DNAJB12: variants seen among roughly 807,000 people sequenced by gnomAD.
DNAJB12 encodes the protein DnaJ heat shock protein family (Hsp40) member B12.
In DNAJB12, 14 loss-of-function variants were observed where a neutral mutation model predicts 40.6. The ratio of observed to expected loss-of-function variants is 0.34; its 90% CI spans 0.23 to 0.54. DNAJB12 has a LOEUF of 0.54. Ranked by LOEUF, DNAJB12 falls within the 20% of genes least tolerant of loss-of-function variation. The pLI is 0.92. For missense variants in DNAJB12, 444 were observed against 501.7 expected, an observed-to-expected ratio of 0.89 and a Z score of 1.10; for synonymous variants, 181 against 199.5, an observed-to-expected ratio of 0.91 and a Z score of 0.78.
In DNAJB12 at chr10:72,334,424, A is replaced by T; in HGVS notation, c.*224T>A. 2 of 844,556 alleles carry T rather than the reference A, an allele frequency of 2.4e-6. No individual in the cohort carries two copies. The highest frequency in any genetic ancestry group is 1.9e-6 in the Non-Finnish European group (1 of 530,550). 52.3% of individuals were successfully genotyped at this position (844,556 alleles called of 1,614,324 possible). On this transcript the variant is annotated 3_prime_UTR_variant, in exon 9 of 9. Transcript: ENST00000444643. ...CCTCCGCCAGCCCTGCGAGGGAGGG[A>T]AGCAGCCCCATGGCAGGTTTTCTGT...
At chr10:72,347,999 A>G in intron 1 of DNAJB12, among the ~76,000 whole-genome samples, 1 of 148,798 alleles carries the variant, frequency 6.7e-6, no homozygotes, top group African/African-American at 2.5e-5. Context: ...TGAGGCGGGC[A>G]GATCGCCTGA....
At chr10:72,336,818 C>T (rs1861491794) in intron 6 of DNAJB12, 122 bp from the exon 7 acceptor site, 1 of 782,722 alleles carries the variant, frequency 1.3e-6, no homozygotes, top group Admixed American at 2.7e-5. Flanking sequence ...CCCTCTCAAA[C>T]CAGAGCAGGG....
intron 6 of DNAJB12, chr10:72,336,985 G>A (rs978141176): frequency 1.4e-5 from 4 of 285,784 alleles, no homozygotes; most frequent in Non-Finnish European, 2.0e-5. Flanking sequence ...CTGGAGACCT[G>A]AGAGGGAATC....
At position 72,334,301 on chromosome 10, in the gene DNAJB12, C is replaced by T. The variant is rs938436314; in HGVS notation, c.*347G>A. 3 of 452,410 alleles carry T rather than the reference C, an allele frequency of 6.6e-6. No homozygotes were observed. The highest frequency in any genetic ancestry group is 1.2e-5 in the Non-Finnish European group (3 of 255,836). 28.0% of individuals were successfully genotyped at this position (452,410 alleles called of 1,614,324 possible). On this transcript the variant is annotated 3_prime_UTR_variant, in exon 9 of 9. Transcript: ENST00000444643. ...GTGAGGGAGGAAAGGCAGCTGGGTGCCCCCTCCCCCAGCCCTTCCCACTGA... is the reference window on the plus strand; with the variant it reads ...GTGAGGGAGGAAAGGCAGCTGGGTGTCCCCTCCCCCAGCCCTTCCCACTGA...
In DNAJB12 at chr10:72,335,888, A is replaced by G; in HGVS notation, c.1050T>C (p.Asp350=). 1 of 1,614,110 alleles carries G rather than the reference A, an allele frequency of 6.2e-7. No homozygotes were observed. Among genetic ancestry groups the G allele is most frequent in the Non-Finnish European group, 8.5e-7 (1 of 1,180,000 alleles). The change falls in exon 8 of 9, where the codon GAT becomes GAC. Residue 350 remains aspartate (D), a synonymous_variant. Coordinates refer to ENST00000444643, the MANE Select transcript of DNAJB12 (RefSeq NM_017626.7). This position sits in a 1 kb window ranked among gnomAD's most constrained non-coding sequence, Gnocchi z 4.4. The part of the protein sequence containing the change: ...LYRARYFGDT[D]MYHRAQKMGT... Reference sequence around the variant, plus strand: ...CCATCTTCTGTGCTCTGTGGTACATATCTGTGTCGCCAAAGTAGCGTGCCC... The same window carrying G: ...CCATCTTCTGTGCTCTGTGGTACATGTCTGTGTCGCCAAAGTAGCGTGCCC...
intron 6 of DNAJB12, 64 bp from the exon 7 acceptor site, chr10:72,336,760 T>C (rs906860708): frequency 2.0e-5 from 29 of 1,472,518 alleles, no homozygotes; most frequent in Non-Finnish European, 2.4e-5. Context: ...TCTAGGGGTA[T>C]GGGCCCCAAG....
intron 1 of DNAJB12, among the ~76,000 whole-genome samples, chr10:72,347,507 T>C (rs968292180): frequency 1.3e-5 from 2 of 152,228 alleles, no homozygotes; most frequent in Admixed American, 6.5e-5. Context: ...TGCTCACAAC[T>C]TGCTATTTTT....
chr10:72,345,071 T>C lies in DNAJB12; in HGVS notation c.190A>G (p.Thr64Ala). The change falls in exon 2 of 9, where the codon ACA becomes GCA. Residue 64 changes from threonine (T) to alanine (A), a missense_variant. By Grantham distance (58) the Thr-to-Ala change is moderately conservative (BLOSUM62 0). Transcript: ENST00000444643. ...PQTAGDQPPP[T>A]DTTHATHRKA... The stretch of plus-strand genomic sequence containing the variant: ...CTGTGGGTGGCATGGGTTGTGTCTG[T>C]GGGTGGGGGTTGGTCACCGGCAGTC... 1 of 1,614,120 alleles carries C rather than the reference T, an allele frequency of 6.2e-7. No individual in the cohort carries two copies. Among genetic ancestry groups the C allele is most frequent in the Middle Eastern group, 1.7e-4 (1 of 6,060 alleles).
intron 1 of DNAJB12, chr10:72,354,062 G>A (rs1862000748): frequency 6.6e-6 from 1 of 152,284 alleles, no homozygotes; most frequent in Non-Finnish European, 1.5e-5. Context: ...CAGCCTCGGC[G>A]TCCACATGGC....
Position 72,354,848 on chromosome 10 carries a change from T to G in DNAJB12, c.50A>C (p.Lys17Thr), listed in dbSNP as rs1378729733. Reference protein sequence around the residue: ...EAERCISIALKAIQSNQPDRA... With the variant: ...EAERCISIALTAIQSNQPDRA... Reference sequence around the variant, plus strand: ...GTCGGGCTGGTTGCTCTGGATGGCCTTGAGGGCGATGCTGATACAGCGCTC... The same window carrying G: ...GTCGGGCTGGTTGCTCTGGATGGCCGTGAGGGCGATGCTGATACAGCGCTC... The change falls in exon 1 of 9, where the codon AAG becomes ACG. Residue 17 changes from lysine to threonine, a missense_variant. Transcript: ENST00000444643. 1.9e-6 allele frequency: 3 copies of G among 1,614,094 alleles called. No individual in the cohort carries two copies. The East Asian group carries it at 6.7e-5, about 36-fold the overall frequency.
At chr10:72,337,135 C>T (rs544919959) in intron 6 of DNAJB12, among the ~76,000 whole-genome samples, 1 of 152,336 alleles carries the variant, frequency 6.6e-6, no homozygotes, top group African/African-American at 2.4e-5. Context: ...TCCAGGGAGC[C>T]TTATCCTCCC....
chr10:72,343,994 A>G (rs1475160489), intron 2 of DNAJB12, among the ~76,000 whole-genome samples: 1 of 151,680 alleles, frequency 6.6e-6, no homozygotes, highest in Non-Finnish European at 1.5e-5. Context: ...GGCTCAAGGG[A>G]TCCTCCTGTC....
Position 72,345,023 on chromosome 10 carries a change from G to A in DNAJB12, c.238C>T (p.Pro80Ser), listed in dbSNP as rs200999402. 3 of 1,614,222 alleles carry A rather than the reference G, an allele frequency of 1.9e-6. No homozygotes were observed. The African/African-American group carries it at 4.0e-5, about 22-fold the overall frequency. The change falls in exon 2 of 9, where the codon CCC becomes TCC. Residue 80 changes from proline (P) to serine (S), a missense_variant. Physicochemically the swap from Pro to Ser is moderately conservative, Grantham distance 74. Coordinates refer to ENST00000444643, the MANE Select transcript of DNAJB12 (RefSeq NM_017626.7). ...CCTCCAGCTTCACCGTTGGCCGAGG[G>A]GGCATCGGTCCCACCTGCTTTCCTG... Reference protein sequence around the residue: ...THRKAGGTDAPSANGEAGGES... With the variant: ...THRKAGGTDASSANGEAGGES...
intron 7 of DNAJB12, 82 bp from the exon 8 acceptor site, chr10:72,336,013 G>A (rs1423885770): frequency 9.6e-6 from 15 of 1,558,842 alleles, no homozygotes; most frequent in African/African-American, 4.1e-5. Context: ...TGTGGAGGGC[G>A]GAGGAAAGCT....
chr10:72,341,973 G>A (rs771273525), intron 3 of DNAJB12, among the ~76,000 whole-genome samples: 10 of 152,150 alleles, frequency 6.6e-5, no homozygotes, highest in African/African-American at 1.7e-4. Context: ...CTCTCTTGAC[G>A]TGCCCAATAG....
chr10:72,334,812 G>A, intron 8 of DNAJB12, 195 bp from the exon 9 acceptor site: 1 of 1,378,330 alleles, frequency 7.3e-7, no homozygotes, highest in Non-Finnish European at 9.3e-7. Flanking sequence ...GGCAGAGTCA[G>A]CCATGGATCC....
At position 72,345,055 on chromosome 10, in the gene DNAJB12, G is replaced by A. The variant is rs1861747174; in HGVS notation, c.206C>T (p.Ala69Val). 1 of 1,614,210 alleles carries A rather than the reference G, an allele frequency of 6.2e-7. No homozygotes were observed. The highest frequency in any genetic ancestry group is 8.5e-7 in the Non-Finnish European group (1 of 1,180,034). ...DQPPPTDTTH[A>V]THRKAGGTDA... is the part of the protein sequence containing the mutation. The stretch of plus-strand genomic sequence containing the variant: ...GGTCCCACCTGCTTTCCTGTGGGTG[G>A]CATGGGTTGTGTCTGTGGGTGGGGG... The change falls in exon 2 of 9, where the codon GCC becomes GTC. Residue 69 changes from alanine to valine, a missense_variant. By Grantham distance (64) the Ala-to-Val change is moderately conservative. Transcript: ENST00000444643.
chr10:72,335,115 ATGCC>A lies in DNAJB12; in HGVS notation c.*31-502_*31-499del. The A allele has an allele frequency of 6.1e-6, 6 of 989,798 alleles. No individual in the cohort carries two copies. The highest frequency in any genetic ancestry group is 7.2e-6 in the Non-Finnish European group (6 of 832,392). The allele number at this position is 989,798 out of a possible 1,614,324, so 61.3% of individuals were successfully genotyped here. A position where few individuals can be genotyped will look rare whatever the true frequency, so the allele number is the denominator to read the frequency against. ...AGGCGAGATGCCTGGGCAAGGCCGG[ATGCC>A]TGTGGCTTCCAGGCTGCCAGGTGTG... is the stretch of plus-strand genomic sequence containing the variant. On this transcript the variant is annotated intron_variant, in intron 8 of 8. Transcript: ENST00000444643. The surrounding 1 kb of genome is among the most constrained non-coding windows in gnomAD (Gnocchi z 4.4).
intron 3 of DNAJB12, among the ~76,000 whole-genome samples, chr10:72,342,156 G>A (rs1165180288): frequency 1.3e-5 from 2 of 152,214 alleles, no homozygotes; most frequent in Non-Finnish European, 2.9e-5. Flanking sequence ...CAGCTGGGGT[G>A]AGTCCCCCAC....
Sources: gnomAD v4.1 joint callset for allele counts (sites outside exome capture counted in the v4.1 genomes callset) on GRCh38, gnomAD v4.1.1 for gene constraint, Gnocchi (gnomAD v3.1) non-coding constraint, MANE v1.5 for transcripts, NCBI Gene and HGNC (gene_info 2026-07-23, HGNC 2026-07-21) for gene names.